Variants in NCAN observed in about 807,000 individuals in gnomAD.
The protein encoded by NCAN is neurocan.
A neutral mutation model predicts 121.8 loss-of-function variants in NCAN; 47 were observed. That is an observed-to-expected ratio of 0.39 (90% CI 0.31 to 0.49). The LOEUF (loss-of-function observed/expected upper bound fraction) is 0.49. Ranked by LOEUF, NCAN falls within the 20% of genes least tolerant of loss-of-function variation. The pLI is 0.92. For synonymous variants in NCAN, 633 were observed against 702.0 expected (o/e 0.90, Z 1.55); for missense variants, 1,517 against 1,773.4 (o/e 0.86, Z 2.60).
chr19:19,244,049 G>T (rs1441816901), intron 12 of NCAN, among the ~76,000 whole-genome samples: 2 of 152,000 alleles, frequency 1.3e-5, no homozygotes, highest in Admixed American at 6.6e-5. Flanking sequence ...AACAAAAATG[G>T]TTAAAATTAG....
In NCAN at chr19:19,250,014, T is replaced by G. The variant is rs769175089; in HGVS notation, c.*103T>G. 18 of 1,255,260 alleles carry G rather than the reference T, an allele frequency of 1.4e-5. No individual in the cohort carries two copies. In the African/African-American group the frequency reaches 2.5e-4, roughly 18 times the overall value. 77.8% of individuals were successfully genotyped at this position (1,255,260 alleles called of 1,614,324 possible). On this transcript the variant is annotated 3_prime_UTR_variant, in exon 15 of 15. Transcript: ENST00000252575. Reference sequence around the variant, plus strand: ...AGAAACAAGAGAGTCCAGAAGTCCCTGAACCCCAAACCACATCCCCCACAC... The same window carrying G: ...AGAAACAAGAGAGTCCAGAAGTCCCGGAACCCCAAACCACATCCCCCACAC...
At chr19:19,218,238 A>G (rs1403340041) in intron 2 of NCAN, among the ~76,000 whole-genome samples, 1 of 152,066 alleles carries the variant, frequency 6.6e-6, no homozygotes, top group African/African-American at 2.4e-5. Flanking sequence ...AGATCATGCC[A>G]CTGCACTCCA....
intron 11 of NCAN, 87 bp downstream of exon 11, chr19:19,238,498 C>T: frequency 6.6e-7 from 1 of 1,519,110 alleles, no homozygotes; most frequent in Non-Finnish European, 9.1e-7. Context: ...CGCATCCCTC[C>T]CCTGGTTTTC....
At chr19:19,238,748 G>A (rs1179268843) in intron 11 of NCAN, 2 of 384,540 alleles carry the variant, frequency 5.2e-6, no homozygotes, top group Non-Finnish European at 1.0e-5. Flanking sequence ...GGAGGATATA[G>A]ACAAACAAGT....
At chr19:19,218,603 G>C (rs1014385479) in intron 2 of NCAN, among the ~76,000 whole-genome samples, 12 of 152,140 alleles carry the variant, frequency 7.9e-5, no homozygotes, top group Middle Eastern at 3.4e-3. Flanking sequence ...CTCCTGAGTA[G>C]CTGGGATTAC....
chr19:19,237,783 T>C (rs1161321762), intron 10 of NCAN, among the ~76,000 whole-genome samples: 1 of 152,012 alleles, frequency 6.6e-6, no homozygotes, highest in Non-Finnish European at 1.5e-5. Flanking sequence ...GTGGCTCACG[T>C]CTGTAATTCC....
Position 19,231,627 on chromosome 19 carries a change from C to T in NCAN, c.3020-2162C>T, listed in dbSNP as rs1386407560. On this transcript the variant is annotated intron_variant, in intron 8 of 14. Coordinates refer to ENST00000252575, the MANE Select transcript of NCAN (RefSeq NM_004386.3). ...ACAGGCGTGAGCCACCGCACCTGGC[C>T]GGAAAACAGAGCTTCTGTCTCAGCC... Among the ~76,000 whole-genome samples the T allele has an allele frequency of 2.6e-5, 4 of 152,010 alleles. No homozygotes were observed. In the East Asian group the frequency reaches 5.8e-4, roughly 22 times the overall value.
chr19:19,246,933 C>T (rs536292719), intron 13 of NCAN, among the ~76,000 whole-genome samples: 3 of 152,240 alleles, frequency 2.0e-5, no homozygotes, highest in African/African-American at 7.2e-5. Context: ...TTTCTATTGA[C>T]TTGTTGATCT....
intron 8 of NCAN, among the ~76,000 whole-genome samples, chr19:19,229,712 C>A (rs1298381303): frequency 6.6e-6 from 1 of 152,196 alleles, no homozygotes; most frequent in African/African-American, 2.4e-5. Context: ...GCTCAGCCTG[C>A]AAATTCCAGC....
At chr19:19,221,659 G>A (rs2060817173) in intron 3 of NCAN, among the ~76,000 whole-genome samples, 1 of 152,148 alleles carries the variant, frequency 6.6e-6, no homozygotes, top group African/African-American at 2.4e-5. Flanking sequence ...ACTAAGGCAG[G>A]AGGATTGCTT....
intron 11 of NCAN, 30 bp from the exon 12 acceptor site, chr19:19,240,573 C>T (rs745453620): frequency 2.5e-6 from 4 of 1,612,064 alleles, no homozygotes; most frequent in Non-Finnish European, 2.5e-6. Flanking sequence ...CATGGGTGAA[C>T]ACCCAGACCC....
rs774455567 is a variant in NCAN, at chr19:19,233,936, G to A, written c.3136+31G>A. 4 of 1,409,752 alleles carry A rather than the reference G, an allele frequency of 2.8e-6. No homozygotes were observed. The Admixed American group carries it at 6.7e-5, about 24-fold the overall frequency. The allele number at this position is 1,409,752 out of a possible 1,614,324, so 87.3% of individuals were successfully genotyped here. A position where few individuals can be genotyped will look rare whatever the true frequency, so the allele number is the denominator to read the frequency against. On this transcript the variant is annotated intron_variant, in intron 9 of 14. Transcript: ENST00000252575. Reference sequence around the variant, plus strand: ...TACCCCAGACTCAGGATCTGAATCTGAATTTGTTTGACTCCAGAGCCTTGG... The same window carrying A: ...TACCCCAGACTCAGGATCTGAATCTAAATTTGTTTGACTCCAGAGCCTTGG...
chr19:19,241,251 C>T (rs1361058493), intron 12 of NCAN, among the ~76,000 whole-genome samples: 1 of 150,482 alleles, frequency 6.6e-6, no homozygotes, highest in African/African-American at 2.4e-5. Flanking sequence ...AGAACGAGAT[C>T]CTGTCTCAAA....
intron 11 of NCAN, chr19:19,238,634 C>G: frequency 1.7e-6 from 1 of 587,466 alleles, no homozygotes; most frequent in Admixed American, 2.8e-5. Context: ...CAAATATTTA[C>G]TGAGCACCTG....
intron 1 of NCAN, among the ~76,000 whole-genome samples, chr19:19,214,232 TCA>T (rs893547154): frequency 2.6e-5 from 4 of 151,944 alleles, no homozygotes; most frequent in Admixed American, 6.6e-5. Context: ...ACACACTCTC[TCA>T]CACACACACA....
intron 1 of NCAN, among the ~76,000 whole-genome samples, chr19:19,213,709 G>A (rs538844558): frequency 8.3e-4 from 126 of 152,200 alleles, no homozygotes; most frequent in African/African-American, 2.9e-3. Flanking sequence ...CTTTCCATGC[G>A]GTTGGCAGTG....
At chr19:19,245,543 T>A in intron 13 of NCAN, 86 bp downstream of exon 13, 4 of 1,466,960 alleles carry the variant, frequency 2.7e-6, no homozygotes, top group Non-Finnish European at 3.7e-6. Flanking sequence ...AGTGGCATAA[T>A]CATGGCTCAT....
intron 3 of NCAN, 27 bp downstream of exon 3, chr19:19,219,343 G>A: frequency 1.4e-6 from 2 of 1,476,028 alleles, no homozygotes; most frequent in Non-Finnish European, 1.8e-6. Context: ...GGAGGGGCCG[G>A]GGGCCGGGGA....
rs1204271737 is a variant in NCAN, at chr19:19,248,719, G to C, written c.3657G>C (p.Pro1219=). ...KKGTVLCGPP[P]AVENASLIGA... ...TCCCAGTGCTCTGTGGTCCCCCTCC[G>C]GCAGTGGAGAATGCCTCACTCATCG... The change falls in exon 14 of 15, where the codon CCG becomes CCC. Residue 1219 remains proline (P), a synonymous_variant. Transcript: ENST00000252575. 1 of 1,614,138 alleles carries C rather than the reference G, an allele frequency of 6.2e-7. No individual in the cohort carries two copies. The highest frequency in any genetic ancestry group is 2.2e-5 in the East Asian group (1 of 44,884).
Sources: allele counts gnomAD v4.1 joint callset (sites outside exome capture counted in the v4.1 genomes callset), GRCh38; gene constraint gnomAD v4.1.1; transcripts MANE v1.5; gene names NCBI Gene and HGNC (gene_info 2026-07-23, HGNC 2026-07-21).